The following MAGEC2 variants were observed in gnomAD, a reference collection of about 807,000 sequenced individuals.
MAGEC2 encodes MAGE family member C2.
For missense variants in MAGEC2, 332 were observed against 282.3 expected (o/e 1.18, Z -1.26); for synonymous variants, 127 against 115.1 (o/e 1.10, Z -0.66).
In MAGEC2 at chrX:142,203,926, T is replaced by A. The variant is rs1861971040; in HGVS notation, c.62A>T (p.Glu21Val). The A allele has an allele frequency of 8.5e-7, 1 of 1,176,365 alleles. No homozygotes were observed. The highest frequency in any genetic ancestry group is 1.1e-6 in the Non-Finnish European group (1 of 879,202). The change falls in exon 3 of 3, where the codon GAG becomes GTG. Residue 21 changes from glutamate to valine, a missense_variant. Physicochemically the swap from Glu to Val is moderately radical, Grantham distance 121. Coordinates refer to ENST00000247452, the MANE Select transcript of MAGEC2 (RefSeq NM_016249.4). ...CTGTGCATCTACCCAGTCTTCTAACTCAACTGAGGTCGGGGAGTCGTTGTC... is the reference window on the plus strand; with the variant it reads ...CTGTGCATCTACCCAGTCTTCTAACACAACTGAGGTCGGGGAGTCGTTGTC... ...NVDNDSPTSVELEDWVDAQHP... is the reference protein window; with the variant it reads ...NVDNDSPTSVVLEDWVDAQHP...
At position 142,203,435 on chromosome X, in the gene MAGEC2, C is replaced by T; in HGVS notation, c.553G>A (p.Ala185Thr). The change falls in exon 3 of 3, where the codon GCC becomes ACC. Residue 185 changes from alanine (A) to threonine (T), a missense_variant. Physicochemically the swap from Ala to Thr is moderately conservative, Grantham distance 58. Transcript: ENST00000247452. ...AAAAGAAGCTCCATGAACTCACGGG[C>T]TCTCTTGAGTATCACAGGAAAGTAA... is the stretch of plus-strand genomic sequence containing the variant. ...KDYFPVILKR[A>T]REFMELLFGL... The T allele has an allele frequency of 8.3e-7, 1 of 1,211,371 alleles. No individual in the cohort carries two copies. Among genetic ancestry groups the T allele is most frequent in the East Asian group, 3.0e-5 (1 of 33,810 alleles).
At position 142,203,910 on chromosome X, in the gene MAGEC2, T is replaced by G. The variant is rs779633618; in HGVS notation, c.78A>C (p.Val26=). The G allele has an allele frequency of 8.5e-7, 1 of 1,181,629 alleles. No homozygotes were observed. The highest frequency in any genetic ancestry group is 1.8e-5 in the African/African-American group (1 of 56,479). Residue 26 remains valine (V), a synonymous_variant, in exon 3 of 3, where the codon GTA becomes GTC. Transcript: ENST00000247452. ...SPTSVELEDW[V]DAQHPTDEEE... is the part of the protein sequence containing the mutation. ...CCTCATCTGTGGGATGCTGTGCATC[T>G]ACCCAGTCTTCTAACTCAACTGAGG...
chrX:142,204,220 G>T, intron 2 of MAGEC2, 142 bp downstream of exon 2: 2 of 623,831 alleles, frequency 3.2e-6, no homozygotes, highest in Non-Finnish European at 5.2e-6. Flanking sequence ...GTAGGAGGAT[G>T]TGGGAACACA....
Position 142,202,758 on chromosome X carries a change from G to A in MAGEC2, c.*108C>T. On this transcript the variant is annotated 3_prime_UTR_variant, in exon 3 of 3. Transcript: ENST00000247452. ...GGTAAATCTCTACATCACCCATATG[G>A]GACAGAAATGCAAAGAACACTACGT... 2 of 764,884 alleles carry A rather than the reference G, an allele frequency of 2.6e-6. No homozygotes were observed. Among genetic ancestry groups the A allele is most frequent in the East Asian group, 3.2e-5 (1 of 31,361 alleles). 63.0% of individuals were successfully genotyped at this position (764,884 alleles called of 1,213,427 possible). A position where few individuals can be genotyped will look rare whatever the true frequency, so the allele number is the denominator to read the frequency against.
At position 142,203,694 on chromosome X, in the gene MAGEC2, A is replaced by C; in HGVS notation, c.294T>G (p.Ser98Arg). The C allele has an allele frequency of 8.3e-7, 1 of 1,209,326 alleles. No individual in the cohort carries two copies. The highest frequency in any genetic ancestry group is 1.1e-6 in the Non-Finnish European group (1 of 894,791). Residue 98 changes from serine to arginine, a missense_variant, in exon 3 of 3, where the codon AGT becomes AGG. By Grantham distance (110) the Ser-to-Arg change is moderately radical (BLOSUM62 -1). Transcript: ENST00000247452. ...AAGAGGAGCAGCAGGAGCTCAGAGGACTCTGGGAAGGACCCTGTGGAGGAC... is the reference window on the plus strand; with the variant it reads ...AAGAGGAGCAGCAGGAGCTCAGAGGCCTCTGGGAAGGACCCTGTGGAGGAC... ...PQGPPQGPSQ[S>R]PLSSCCSSFS...
rs763486673 is a variant in MAGEC2 at position 142,203,102 on chromosome X, A to G, written c.886T>C (p.Tyr296His). 1.7e-6 allele frequency: 2 copies of G among 1,211,433 alleles called. No homozygotes were observed. The highest frequency in any genetic ancestry group is 4.3e-5 in the Admixed American group (2 of 46,007). ...YREVPHSSPP[Y>H]YEFLWGPRAH... ...CTCGGACCCCACAGGAATTCATAAT[A>G]TGGAGGAGAACTGTGGGGCACCTCC... is the stretch of plus-strand genomic sequence containing the variant. Residue 296 changes from tyrosine to histidine, a missense_variant, in exon 3 of 3, where the codon TAT (tyrosine) becomes CAT (histidine). By Grantham distance (83) the Tyr-to-His change is moderately conservative. Transcript: ENST00000247452.
Position 142,204,028 on chromosome X carries a change from G to C in MAGEC2, c.-41C>G, listed in dbSNP as rs1250077535. 5 of 1,183,173 alleles carry C rather than the reference G, an allele frequency of 4.2e-6. No homozygotes were observed. The highest frequency in any genetic ancestry group is 5.7e-6 in the Non-Finnish European group (5 of 876,994). ...AGCAGCAGGTAAACGTATCAACAGGGATATGGATGATGAGATCCAACAGGC... is the reference window on the plus strand; with the variant it reads ...AGCAGCAGGTAAACGTATCAACAGGCATATGGATGATGAGATCCAACAGGC... On this transcript the variant is annotated 5_prime_UTR_variant, in exon 3 of 3. The change creates a new upstream start codon in the 5' untranslated region. Coordinates refer to ENST00000247452, the MANE Select transcript of MAGEC2 (RefSeq NM_016249.4).
intron 1 of MAGEC2, 121 bp downstream of exon 1, chrX:142,204,972 GTGGGAATCTC>G (rs1931215478): frequency 8.9e-6 from 1 of 111,905 alleles, no homozygotes; most frequent in Non-Finnish European, 1.9e-5. Flanking sequence ...GAGGAGCAGG[GTGGGAATCTC>G]TGGGAATCTG....
In MAGEC2 at chrX:142,203,641, G is replaced by A; in HGVS notation, c.347C>T (p.Ser116Phe). Residue 116 changes from serine (S) to phenylalanine (F), a missense_variant, in exon 3 of 3, where the codon TCC becomes TTC. Coordinates refer to ENST00000247452, the MANE Select transcript of MAGEC2 (RefSeq NM_016249.4). ...SFSWSSFSEE[S>F]SSQKGEDTGT... ...TGTATCCTCCCCTTTCTGGCTGCTG[G>A]ACTCCTCACTGAATGAGCTCCATGA... 1 of 1,210,534 alleles carries A rather than the reference G, an allele frequency of 8.3e-7. No homozygotes were observed. The highest frequency in any genetic ancestry group is 1.1e-6 in the Non-Finnish European group (1 of 895,245).
Position 142,202,508 on chromosome X carries a change from G to A in MAGEC2, c.*358C>T, listed in dbSNP as rs1931153758. 6.8e-6 allele frequency: 1 copy of A among 147,571 alleles called. No individual in the cohort carries two copies. Among genetic ancestry groups the A allele is most frequent in the South Asian group, 3.0e-4 (1 of 3,287 alleles). The allele number at this position is 147,571 out of a possible 1,213,427, so 12.2% of individuals were successfully genotyped here. A position where few individuals can be genotyped will look rare whatever the true frequency, so the allele number is the denominator to read the frequency against. ...TCCACTATTTAACTGCTGAGTTATT[G>A]CACATTGTAAAAAAAAAAAAAAATG... On this transcript the variant is annotated 3_prime_UTR_variant, in exon 3 of 3. Transcript: ENST00000247452.
At chrX:142,204,298 G>A in intron 2 of MAGEC2, 64 bp downstream of exon 2, 3 of 429,783 alleles carry the variant, frequency 7.0e-6, no homozygotes, top group South Asian at 8.1e-5. Context: ...AGGGCCGGGT[G>A]CTGTGGGGTC....
Position 142,202,883 on chromosome X carries a change from C to A in MAGEC2, c.1105G>T (p.Val369Phe), listed in dbSNP as rs201326446. The change falls in exon 3 of 3, where the codon GTC becomes TTC. Residue 369 changes from valine to phenylalanine, a missense_variant. By Grantham distance (50) the Val-to-Phe change is conservative (BLOSUM62 -1). Coordinates refer to ENST00000247452, the MANE Select transcript of MAGEC2 (RefSeq NM_016249.4). ...SESLSVMSSN[V>F]SFSE is the part of the protein sequence containing the mutation. ...CCTAGACTTCACTCAGAAAAGGAGACGTTGCTGGACATGACACTGAGGCTT... is the reference window on the plus strand; with the variant it reads ...CCTAGACTTCACTCAGAAAAGGAGAAGTTGCTGGACATGACACTGAGGCTT... The A allele has an allele frequency of 6.6e-6, 8 of 1,208,557 alleles. No individual in the cohort carries two copies. The South Asian group carries it at 8.9e-5, about 13-fold the overall frequency.
intron 1 of MAGEC2, among the ~76,000 whole-genome samples, chrX:142,204,761 C>T (rs1199152410): frequency 9.0e-6 from 1 of 111,468 alleles, no homozygotes; most frequent in East Asian, 2.9e-4. Context: ...CACGTCCGTT[C>T]TGATGCACAT....
Position 142,202,752 on chromosome X carries a change from C to T in MAGEC2, c.*114G>A. The T allele has an allele frequency of 1.5e-6, 1 of 682,370 alleles. No homozygotes were observed. The highest frequency in any genetic ancestry group is 3.4e-5 in the Admixed American group (1 of 29,540). 56.2% of individuals were successfully genotyped at this position (682,370 alleles called of 1,213,427 possible). A position where few individuals can be genotyped will look rare whatever the true frequency, so the allele number is the denominator to read the frequency against. ...AAAACAGGTAAATCTCTACATCACCCATATGGGACAGAAATGCAAAGAACA... is the reference window on the plus strand; with the variant it reads ...AAAACAGGTAAATCTCTACATCACCTATATGGGACAGAAATGCAAAGAACA... On this transcript the variant is annotated 3_prime_UTR_variant, in exon 3 of 3. Coordinates refer to ENST00000247452, the MANE Select transcript of MAGEC2 (RefSeq NM_016249.4).
Position 142,203,897 on chromosome X carries a change from G to C in MAGEC2, c.91C>G (p.Pro31Ala), listed in dbSNP as rs1312086191. The C allele has an allele frequency of 1.8e-5, 21 of 1,186,868 alleles. No individual in the cohort carries two copies. The Admixed American group carries it at 5.0e-4, about 28-fold the overall frequency. The change falls in exon 3 of 3, where the codon CCC becomes GCC. Residue 31 changes from proline (P) to alanine (A), a missense_variant. Pro to Ala is a conservative substitution (Grantham distance 27). Transcript: ENST00000247452. ...GCTTCCTCCTCTTCCTCATCTGTGG[G>C]ATGCTGTGCATCTACCCAGTCTTCT... Reference protein sequence around the residue: ...ELEDWVDAQHPTDEEEEEASS... With the variant: ...ELEDWVDAQHATDEEEEEASS...
chrX:142,204,107 T>C, intron 2 of MAGEC2, 54 bp from the exon 3 acceptor site: 1 of 1,187,160 alleles, frequency 8.4e-7, no homozygotes, highest in East Asian at 3.0e-5. Flanking sequence ...TCACCCATGA[T>C]GGCTCTGACA....
Position 142,203,913 on chromosome X carries a change from C to A in MAGEC2, c.75G>T (p.Trp25Cys), listed in dbSNP as rs1931195340. The change falls in exon 3 of 3, where the codon TGG (tryptophan) becomes TGT (cysteine). Residue 25 changes from tryptophan (W) to cysteine (C), a missense_variant. Trp to Cys is a radical substitution (Grantham distance 215). Transcript: ENST00000247452. ...CATCTGTGGGATGCTGTGCATCTAC[C>A]CAGTCTTCTAACTCAACTGAGGTCG... ...DSPTSVELEDWVDAQHPTDEE... is the reference protein window; with the variant it reads ...DSPTSVELEDCVDAQHPTDEE... 2 of 1,179,311 alleles carry A rather than the reference C, an allele frequency of 1.7e-6. No homozygotes were observed. Among genetic ancestry groups the A allele is most frequent in the Middle Eastern group, 2.4e-4 (1 of 4,174 alleles).
At position 142,204,380 on chromosome X, in the gene MAGEC2, C is replaced by G. The variant is rs978143678; in HGVS notation, c.-85G>C. ...CACTCACCTTGACTCCTGGCACTGC[C>G]TGGGCCTCCTCTGCTGTGCTGACTT... is the stretch of plus-strand genomic sequence containing the variant. On this transcript the variant is annotated 5_prime_UTR_variant, in exon 2 of 3. Transcript: ENST00000247452. 1.3e-5 allele frequency: 4 copies of G among 302,727 alleles called. No individual in the cohort carries two copies. The highest frequency in any genetic ancestry group is 1.1e-4 in the African/African-American group (4 of 36,912). The allele number at this position is 302,727 out of a possible 1,213,427, so 24.9% of individuals were successfully genotyped here.
Position 142,203,535 on chromosome X carries a change from G to C in MAGEC2, c.453C>G (p.Phe151Leu). The C allele has an allele frequency of 1.7e-6, 2 of 1,211,316 alleles. No individual in the cohort carries two copies. The highest frequency in any genetic ancestry group is 1.1e-6 in the Non-Finnish European group (1 of 895,331). ...CCTCTGCTTCGTATTTGAGGAGCAGGAACTCCACTAACTCGGCCACCTTTT... is the reference window on the plus strand; with the variant it reads ...CCTCTGCTTCGTATTTGAGGAGCAGCAACTCCACTAACTCGGCCACCTTTT... ...LDEKVAELVE[F>L]LLLKYEAEEP... Residue 151 changes from phenylalanine (F) to leucine (L), a missense_variant, in exon 3 of 3, where the codon TTC becomes TTG. By Grantham distance (22) the Phe-to-Leu change is conservative. Transcript: ENST00000247452.
Sources: allele counts gnomAD v4.1 joint callset (sites outside exome capture counted in the v4.1 genomes callset), GRCh38; gene constraint gnomAD v4.1.1; transcripts MANE v1.5; gene names NCBI Gene and HGNC (gene_info 2026-07-23, HGNC 2026-07-21).